The following SYNDIG1L variants were observed in gnomAD, a reference collection of about 807,000 sequenced individuals.
SYNDIG1L encodes the protein synapse differentiation inducing 1 like.
Under a neutral mutation model 20.1 loss-of-function variants are expected in SYNDIG1L, and 13 were observed. The ratio of observed to expected loss-of-function variants is 0.65; its 90% CI spans 0.42 to 1.03. The LOEUF is 1.03. Among genes scored for constraint, SYNDIG1L ranks in the 50% least tolerant of loss-of-function variants. SYNDIG1L has a pLI of 0.00. For missense variants in SYNDIG1L, 294 were observed against 305.1 expected, an observed-to-expected ratio of 0.96 and a Z score of 0.27; for synonymous variants, 128 against 129.3, an observed-to-expected ratio of 0.99 and a Z score of 0.07.
the SYNDIG1L span, among the ~76,000 whole-genome samples, chr14:74,457,367 A>G: frequency 6.6e-6 from 1 of 151,896 alleles, no homozygotes; most frequent in Non-Finnish European, 1.5e-5. Context: ...GCTTTGGGTC[A>G]ATAAGCCATC....
At chr14:74,440,516 T>C in the SYNDIG1L span, among the ~76,000 whole-genome samples, 4 of 97,224 alleles carry the variant, frequency 4.1e-5, no homozygotes, top group South Asian at 1.5e-3. Flanking sequence ...CTCCGTCTCA[T>C]AAAAAAAAAA....
chr14:74,407,960 A>G lies in SYNDIG1L; in HGVS notation c.447T>C (p.Ser149=), dbSNP rs1367636735. ...ESDATSTESE[S]EDNFLTLPPR... ...GAGGCAGCGTGAGGAAGTTGTCTTC[A>G]CTTTCACTCTCCGTTGAAGTGGCAT... The change falls in exon 3 of 4, where the codon AGT becomes AGC. Residue 149 remains serine, a synonymous_variant. Transcript: ENST00000331628. 1.2e-6 allele frequency: 2 copies of G among 1,613,262 alleles called. No homozygotes were observed. The highest frequency in any genetic ancestry group is 1.7e-5 in the Admixed American group (1 of 59,912).
chr14:74,407,836 C>G lies in SYNDIG1L; in HGVS notation c.558+13G>C. ...CGGGCCAGAGAAGGGACCTGGGCCCCAGGTGCTCTTACCCCCTGGGAGAAG... is the reference window on the plus strand; with the variant it reads ...CGGGCCAGAGAAGGGACCTGGGCCCGAGGTGCTCTTACCCCCTGGGAGAAG... On this transcript the variant is annotated intron_variant, in intron 3 of 3. Transcript: ENST00000331628. 1 of 1,607,718 alleles carries G rather than the reference C, an allele frequency of 6.2e-7. No homozygotes were observed. The highest frequency in any genetic ancestry group is 8.5e-7 in the Non-Finnish European group (1 of 1,177,008).
chr14:74,465,182 TGA>T, the SYNDIG1L span, among the ~76,000 whole-genome samples: 2 of 152,308 alleles, frequency 1.3e-5, no homozygotes, highest in South Asian at 4.1e-4. Context: ...GTGGTGCTGA[TGA>T]GGTGCTGAGG....
the SYNDIG1L span, among the ~76,000 whole-genome samples, chr14:74,435,038 G>A: frequency 2.2e-5 from 3 of 134,280 alleles, no homozygotes; most frequent in Non-Finnish European, 3.1e-5. Flanking sequence ...AGCCGAGATC[G>A]TGCCACTGCA....
the SYNDIG1L span, among the ~76,000 whole-genome samples, chr14:74,441,637 C>G: frequency 6.6e-6 from 1 of 152,086 alleles, no homozygotes; most frequent in African/African-American, 2.4e-5. Context: ...TCCCAAGTAC[C>G]TAGGACTACA....
chr14:74,473,206 T>C, the SYNDIG1L span, among the ~76,000 whole-genome samples: 1 of 151,926 alleles, frequency 6.6e-6, no homozygotes, highest in African/African-American at 2.4e-5. Flanking sequence ...GCCAATATAG[T>C]GATACCCCGT....
At chr14:74,450,182 A>G in the SYNDIG1L span, among the ~76,000 whole-genome samples, 1 of 152,174 alleles carries the variant, frequency 6.6e-6, no homozygotes, top group Non-Finnish European at 1.5e-5. Flanking sequence ...AATAGATAAC[A>G]TGAATATTCC....
chr14:74,417,864 T>C (rs1488356118), intron 1 of SYNDIG1L, among the ~76,000 whole-genome samples: 1 of 152,106 alleles, frequency 6.6e-6, no homozygotes, highest in Non-Finnish European at 1.5e-5. Context: ...GATTAAGAGA[T>C]TTAGGGTGAT....
Position 74,409,502 on chromosome 14 carries a change from C to G in SYNDIG1L, c.243G>C (p.Glu81Asp), listed in dbSNP as rs748224776. ...TTGTCTCACAGCTGCCTGCCCTGGG[C>G]TCCTTGACCTTGTCTCTCCCCAGGA... is the stretch of plus-strand genomic sequence containing the variant. Reference protein sequence around the residue: ...SCLLGRDKVKEPRAGSCETSF... With the variant: ...SCLLGRDKVKDPRAGSCETSF... The change falls in exon 2 of 4, where the codon GAG becomes GAC. Residue 81 changes from glutamate (E) to aspartate (D), a missense_variant. Glu to Asp is a conservative substitution (Grantham distance 45). Coordinates refer to ENST00000331628, the MANE Select transcript of SYNDIG1L (RefSeq NM_001105579.2). 1 of 1,610,114 alleles carries G rather than the reference C, an allele frequency of 6.2e-7. No individual in the cohort carries two copies.
chr14:74,458,152 G>A, the SYNDIG1L span, among the ~76,000 whole-genome samples: 1 of 151,998 alleles, frequency 6.6e-6, no homozygotes, highest in Non-Finnish European at 1.5e-5. Flanking sequence ...TTAAACCTCA[G>A]TTTTTTCATT....
the SYNDIG1L span, among the ~76,000 whole-genome samples, chr14:74,437,031 G>A: frequency 6.6e-6 from 1 of 152,114 alleles, no homozygotes; most frequent in Admixed American, 6.6e-5. Context: ...TTGACTCTGA[G>A]TTTCTGGGAG....
At chr14:74,440,933 G>A in the SYNDIG1L span, among the ~76,000 whole-genome samples, 2 of 152,152 alleles carry the variant, frequency 1.3e-5, no homozygotes, top group African/African-American at 4.8e-5. Flanking sequence ...CATGGACCTT[G>A]TAATTTTGGA....
chr14:74,464,467 A>G, the SYNDIG1L span, among the ~76,000 whole-genome samples: 1 of 152,052 alleles, frequency 6.6e-6, no homozygotes, highest in South Asian at 2.1e-4. Context: ...GGCACAGGGT[A>G]TAGGTTGTGG....
chr14:74,476,381 CCTGCTGG>C, the SYNDIG1L span: 1 of 759,094 alleles, frequency 1.3e-6, no homozygotes, highest in Non-Finnish European at 2.3e-6. Context: ...GATCTTTCTG[CCTGCTGG>C]CTGCTTATCT....
At chr14:74,435,117 G>A in the SYNDIG1L span, among the ~76,000 whole-genome samples, 1 of 150,168 alleles carries the variant, frequency 6.7e-6, no homozygotes, top group African/African-American at 2.5e-5. Context: ...AAAATCTAGG[G>A]GAAGACTTTT....
chr14:74,476,628 C>T, the SYNDIG1L span: 3 of 1,490,614 alleles, frequency 2.0e-6, no homozygotes, highest in East Asian at 7.4e-5. Flanking sequence ...TTCTTCTGCC[C>T]CAGTCGAGAG....
In SYNDIG1L at chr14:74,409,710, A is replaced by G; in HGVS notation, c.35T>C (p.Leu12Pro). ...ATGGAGATGGGCAGGGCTCCTGGGC[A>G]GCAGCGGGTTCTGTAGTTCACTCAG... is the stretch of plus-strand genomic sequence containing the variant. ...ESLSELQNPL[L>P]PRSPAHLHGP... The change falls in exon 2 of 4, where the codon CTG becomes CCG. Residue 12 changes from leucine to proline, a missense_variant. Coordinates refer to ENST00000331628, the MANE Select transcript of SYNDIG1L (RefSeq NM_001105579.2). 1.4e-6 allele frequency: 2 copies of G among 1,469,604 alleles called. No homozygotes were observed. Among genetic ancestry groups the G allele is most frequent in the Admixed American group, 2.5e-5 (1 of 39,448 alleles). The allele number at this position is 1,469,604 out of a possible 1,614,324, so 91.0% of individuals were successfully genotyped here.
At chr14:74,436,664 C>T in the SYNDIG1L span, among the ~76,000 whole-genome samples, 3 of 151,876 alleles carry the variant, frequency 2.0e-5, no homozygotes, top group Admixed American at 1.3e-4. Context: ...GCCTGGCCAA[C>T]ATCATGAAAC....
Sources: gnomAD v4.1 joint callset for allele counts (sites outside exome capture counted in the v4.1 genomes callset) on GRCh38, gnomAD v4.1.1 for gene constraint, MANE v1.5 for transcripts, NCBI Gene and HGNC (gene_info 2026-07-23, HGNC 2026-07-21) for gene names.